TNS3: variants seen among roughly 807,000 people sequenced by gnomAD.
The protein encoded by TNS3 is tensin-3.
In TNS3, 45 loss-of-function variants were observed where a neutral mutation model predicts 140.9. The observed-to-expected ratio is 0.32, with a 90% confidence interval of 0.25 to 0.41. The LOEUF (loss-of-function observed/expected upper bound fraction) is 0.41, where lower values mean the gene tolerates loss of function less well. Ranked by LOEUF, TNS3 falls within the 10% of genes least tolerant of loss-of-function variation. The pLI, the probability that TNS3 is intolerant of heterozygous loss-of-function variation, is 1.00. For synonymous variants in TNS3, 815 were observed against 788.4 expected, an observed-to-expected ratio of 1.03 and a Z score of -0.56; for missense variants, 1,716 against 1,906.7, an observed-to-expected ratio of 0.90 and a Z score of 1.86.
chr7:47,467,293 A>G (rs1796759977), intron 4 of TNS3, among the ~76,000 whole-genome samples: 1 of 152,260 alleles, frequency 6.6e-6, no homozygotes, highest in Non-Finnish European at 1.5e-5. Flanking sequence ...GTGTTAGTTA[A>G]GTAGAGAAAA....
chr7:47,462,677 C>T (rs1399098060), intron 4 of TNS3, among the ~76,000 whole-genome samples: 2 of 152,068 alleles, frequency 1.3e-5, no homozygotes, highest in Non-Finnish European at 2.9e-5. Context: ...CCACCTGAGG[C>T]CATTTGCAGC....
chr7:47,455,690 G>A (rs1796217652), intron 4 of TNS3, among the ~76,000 whole-genome samples: 2 of 152,218 alleles, frequency 1.3e-5, no homozygotes, highest in African/African-American at 4.8e-5. Flanking sequence ...CCATAAAGGA[G>A]AGAGAAGGCA....
At chr7:47,338,700 C>T (rs1475292471) in intron 20 of TNS3, among the ~76,000 whole-genome samples, 1 of 152,128 alleles carries the variant, frequency 6.6e-6, no homozygotes, top group Non-Finnish European at 1.5e-5. Flanking sequence ...CGGAGTACTT[C>T]GATGGTGTAT....
chr7:47,304,971 C>A lies in TNS3; in HGVS notation c.2683G>T (p.Ala895Ser), dbSNP rs376502421. Residue 895 changes from alanine to serine, a missense_variant, in exon 21 of 31, where the codon GCT (alanine) becomes TCT (serine). By Grantham distance (99) the Ala-to-Ser change is moderately conservative. This residue lies in a region of TNS3 where 1,163 missense variants were observed against 1,182.1 expected (regional missense o/e 0.98). Transcript: ENST00000311160. ...ATGGGGCTCTCTGACATCCCCACAG[C>A]GTGAGTGAGCGTCTCAGGGCAGCTT... ...PRSCPETLTH[A>S]VGMSESPIGP... 1.1e-5 allele frequency: 16 copies of A among 1,396,660 alleles called. No homozygotes were observed. Among genetic ancestry groups the A allele is most frequent in the African/African-American group, 7.4e-5 (5 of 67,758 alleles). 86.5% of individuals were successfully genotyped at this position (1,396,660 alleles called of 1,614,324 possible).
chr7:47,573,814 G>A (rs1402242714), intron 1 of TNS3, among the ~76,000 whole-genome samples: 7 of 152,218 alleles, frequency 4.6e-5, no homozygotes, highest in Admixed American at 2.0e-4. Flanking sequence ...AAATGCCCAC[G>A]TTGGAAAAGA....
intron 3 of TNS3, among the ~76,000 whole-genome samples, chr7:47,505,483 C>T (rs1026076791): frequency 6.6e-6 from 1 of 152,220 alleles, no homozygotes; most frequent in Non-Finnish European, 1.5e-5. Flanking sequence ...AAGCGCTCCA[C>T]ACAGCCCCCA....
At chr7:47,356,837 G>C (rs561733282) in intron 17 of TNS3, among the ~76,000 whole-genome samples, 1 of 151,956 alleles carries the variant, frequency 6.6e-6, no homozygotes, top group Non-Finnish European at 1.5e-5. Context: ...ACCACTTTGA[G>C]AGACTGAGGA....
intron 23 of TNS3, among the ~76,000 whole-genome samples, chr7:47,298,649 A>G (rs1351402248): frequency 6.6e-6 from 1 of 152,262 alleles, no homozygotes; most frequent in Non-Finnish European, 1.5e-5. Context: ...AGGGCGCAGA[A>G]CATGAACCAG....
intron 20 of TNS3, among the ~76,000 whole-genome samples, chr7:47,318,297 A>G (rs1344387694): frequency 6.6e-6 from 1 of 152,218 alleles, no homozygotes; most frequent in Non-Finnish European, 1.5e-5. Context: ...ATTCCACTGC[A>G]TGCATAGATC....
intron 20 of TNS3, among the ~76,000 whole-genome samples, chr7:47,323,103 C>A (rs1787841656): frequency 6.6e-6 from 1 of 152,188 alleles, no homozygotes; most frequent in African/African-American, 2.4e-5. Flanking sequence ...TACCGCTCCT[C>A]GAGGCCTCAT....
chr7:47,343,595 G>A (rs922489822), intron 20 of TNS3, among the ~76,000 whole-genome samples: 1 of 152,120 alleles, frequency 6.6e-6, no homozygotes, highest in African/African-American at 2.4e-5. Flanking sequence ...GGTTACATGG[G>A]GTGGAAGGGA....
rs181442883 is a variant in TNS3, at chr7:47,407,641, C to T, written c.723+4086G>A. On this transcript the variant is annotated intron_variant, in intron 13 of 30. Coordinates refer to ENST00000311160, the MANE Select transcript of TNS3 (RefSeq NM_022748.12). This position sits in a 1 kb window ranked among gnomAD's most constrained non-coding sequence, Gnocchi z 4.1. Reference sequence around the variant, plus strand: ...AATCCATAAGTTGAAGGTCTCAGCACTTCAGCATAGGGCTGTGTTTGGAGA... The same window carrying T: ...AATCCATAAGTTGAAGGTCTCAGCATTTCAGCATAGGGCTGTGTTTGGAGA... Among the ~76,000 whole-genome samples, 74 of 152,330 alleles carry T rather than the reference C, an allele frequency of 4.9e-4. No individual in the cohort carries two copies. Among genetic ancestry groups the T allele is most frequent in the African/African-American group, 1.7e-3 (70 of 41,572 alleles).
intron 16 of TNS3, among the ~76,000 whole-genome samples, chr7:47,391,691 G>A (rs1383411172): frequency 6.6e-6 from 1 of 152,172 alleles, no homozygotes; most frequent in African/African-American, 2.4e-5. Flanking sequence ...AATCCTGGTG[G>A]TGACAATACA....
intron 3 of TNS3, among the ~76,000 whole-genome samples, chr7:47,502,893 C>T (rs187789983): frequency 2.4e-4 from 37 of 152,284 alleles, no homozygotes; most frequent in African/African-American, 8.7e-4. Context: ...GGGTGCAAAC[C>T]GAGGCACATG....
chr7:47,479,473 G>GC lies in TNS3; in HGVS notation c.-76+1629dup, dbSNP rs1268246032. Among the ~76,000 whole-genome samples the GC allele has an allele frequency of 4.1e-5, 4 of 98,702 alleles. No homozygotes were observed. The East Asian group carries it at 1.1e-3, about 28-fold the overall frequency. The allele number at this position is 98,702 out of a possible 152,430, so 64.8% of individuals were successfully genotyped here. The stretch of plus-strand genomic sequence containing the variant: ...AACACAGGCTCCCAAGTCCCCCCAC[G>GC]CCCCCTACTCCCCCACCCCCCCGTC... On this transcript the variant is annotated intron_variant, in intron 4 of 30. Coordinates refer to ENST00000311160, the MANE Select transcript of TNS3 (RefSeq NM_022748.12).
intron 20 of TNS3, among the ~76,000 whole-genome samples, chr7:47,338,971 T>C (rs1349440349): frequency 6.6e-6 from 1 of 152,236 alleles, no homozygotes; most frequent in East Asian, 1.9e-4. Flanking sequence ...AGTGTATACA[T>C]GTTCTTTTTC....
intron 8 of TNS3, among the ~76,000 whole-genome samples, chr7:47,434,976 A>C (rs1231161431): frequency 6.6e-6 from 1 of 152,242 alleles, no homozygotes; most frequent in Non-Finnish European, 1.5e-5. Flanking sequence ...TCCATGAAAA[A>C]TAAAATTTAA....
At chr7:47,372,389 A>G (rs1791126903) in intron 16 of TNS3, among the ~76,000 whole-genome samples, 1 of 152,224 alleles carries the variant, frequency 6.6e-6, no homozygotes, top group Admixed American at 6.5e-5. Flanking sequence ...ATGAGTTGTA[A>G]AACAATTCTT....
intron 1 of TNS3, among the ~76,000 whole-genome samples, chr7:47,533,681 T>C (rs1799498851): frequency 6.6e-6 from 1 of 152,136 alleles, no homozygotes; most frequent in African/African-American, 2.4e-5. Context: ...CCATGTGTTG[T>C]GAGAGGGACC....
Sources: allele counts gnomAD v4.1 joint callset (sites outside exome capture counted in the v4.1 genomes callset), GRCh38; gene constraint gnomAD v4.1.1; regional missense constraint gnomAD v4.1.1; non-coding constraint Gnocchi (gnomAD v3.1); transcripts MANE v1.5; gene names NCBI Gene and HGNC (gene_info 2026-07-23, HGNC 2026-07-21).